FBN3: variants seen among roughly 807,000 people sequenced by gnomAD.
FBN3 encodes fibrillin 3, also known as fibrillin-3.
A neutral mutation model predicts 330.1 loss-of-function variants in FBN3; 234 were observed. The observed-to-expected ratio is 0.71, with a 90% CI of 0.64 to 0.79. The LOEUF is 0.79. Ranked by LOEUF, FBN3 falls within the 30% of genes least tolerant of loss-of-function variation. The pLI is 0.00. For missense variants in FBN3, 3,606 were observed against 3,886.9 expected, an observed-to-expected ratio of 0.93 and a Z score of 1.92; for synonymous variants, 1,458 against 1,517.3, an observed-to-expected ratio of 0.96 and a Z score of 0.91.
chr19:8,136,366 C>CG, intron 11 of FBN3, 22 bp downstream of exon 11: 1 of 1,609,940 alleles, frequency 6.2e-7, no homozygotes, highest in Non-Finnish European at 8.5e-7. Context: ...ACCGCCCCCC[C>CG]TTCCACCTGG....
chr19:8,070,045 T>C (rs1414919318), intron 63 of FBN3, among the ~76,000 whole-genome samples: 1 of 152,132 alleles, frequency 6.6e-6, no homozygotes, highest in African/African-American at 2.4e-5. Flanking sequence ...ACCAATACAG[T>C]AGTAAATCCT....
Position 8,131,507 on chromosome 19 carries a change from G to T in FBN3, c.1990+47C>A, listed in dbSNP as rs2083146046. On this transcript the variant is annotated intron_variant, in intron 15 of 63. Transcript: ENST00000600128. This position sits in a 1 kb window ranked among gnomAD's most constrained non-coding sequence, Gnocchi z 4.5. ...CCACCAGAAGCGAGAACCGATGGAGGCATTCAGACCAAGGAGGCGATGGGG... is the reference window on the plus strand; with the variant it reads ...CCACCAGAAGCGAGAACCGATGGAGTCATTCAGACCAAGGAGGCGATGGGG... 1 of 1,562,222 alleles carries T rather than the reference G, an allele frequency of 6.4e-7. No homozygotes were observed. The highest frequency in any genetic ancestry group is 1.4e-5 in the African/African-American group (1 of 73,908).
chr19:8,083,437 C>T, intron 56 of FBN3, 65 bp from the exon 57 acceptor site: 1 of 1,585,388 alleles, frequency 6.3e-7, no homozygotes, highest in Non-Finnish European at 8.6e-7. Flanking sequence ...AGGAATGTCT[C>T]CTTCTCTCTG....
chr19:8,082,311 T>C (rs200756689), intron 57 of FBN3, among the ~76,000 whole-genome samples: 2 of 113,494 alleles, frequency 1.8e-5, no homozygotes, highest in African/African-American at 6.4e-5. Flanking sequence ...CTTTCTCCCT[T>C]TCTCTTTCTT....
chr19:8,081,068 T>C lies in FBN3; in HGVS notation c.7388A>G (p.Asn2463Ser). The stretch of plus-strand genomic sequence containing the variant: ...GCGGCAGGTGAAGGCGCCCACAGTG[T>C]TGACACAGAGGAACTGACAGTTGTG... ...RQHNCQFLCV[N>S]TVGAFTCRCP... The change falls in exon 59 of 64, where the codon AAC becomes AGC. Residue 2463 changes from asparagine to serine, a missense_variant. By Grantham distance (46) the Asn-to-Ser change is conservative. Coordinates refer to ENST00000600128, the MANE Select transcript of FBN3 (RefSeq NM_032447.5). 3.1e-6 allele frequency: 5 copies of C among 1,613,646 alleles called. No individual in the cohort carries two copies. Among genetic ancestry groups the C allele is most frequent in the Non-Finnish European group, 4.2e-6 (5 of 1,179,966 alleles).
chr19:8,122,028 T>C (rs1219496682), intron 24 of FBN3, among the ~76,000 whole-genome samples: 1 of 151,632 alleles, frequency 6.6e-6, no homozygotes, highest in Non-Finnish European at 1.5e-5. Flanking sequence ...GGATTATAGG[T>C]GTGAGCCACT....
rs1341516746 is a variant in FBN3 at position 8,109,023 on chromosome 19, C to T, written c.4618+204G>A. ...AGTGACTATAAACACAGAGAATTTA[C>T]AGAAAGCGACCTTGGAGAGAGGCCC... On this transcript the variant is annotated intron_variant, in intron 36 of 63. Transcript: ENST00000600128. This position sits in a 1 kb window ranked among gnomAD's most constrained non-coding sequence, Gnocchi z 5.2. 6.6e-6 allele frequency among the ~76,000 whole-genome samples: 1 copy of T among 152,128 alleles called. No individual in the cohort carries two copies. Among genetic ancestry groups the T allele is most frequent in the Non-Finnish European group, 1.5e-5 (1 of 68,016 alleles).
Position 8,101,974 on chromosome 19 carries a change from G to A in FBN3, c.5089+750C>T, listed in dbSNP as rs535605572. Among the ~76,000 whole-genome samples the A allele has an allele frequency of 5.3e-5, 8 of 152,288 alleles. No individual in the cohort carries two copies. The East Asian group carries it at 5.8e-4, about 11-fold the overall frequency. On this transcript the variant is annotated intron_variant, in intron 40 of 63. Coordinates refer to ENST00000600128, the MANE Select transcript of FBN3 (RefSeq NM_032447.5). ...TAGCTCCCATATCCCCACATGTCAC[G>A]GGAGGGACCCGGTGGGAGGTAACTG...
At chr19:8,146,441 G>A (rs548797858) in intron 3 of FBN3, among the ~76,000 whole-genome samples, 13 of 152,334 alleles carry the variant, frequency 8.5e-5, no homozygotes, top group African/African-American at 3.1e-4. Flanking sequence ...TGTGGGTTGG[G>A]GACTCTGCTA....
chr19:8,075,873 C>T (rs1183426239), intron 59 of FBN3, among the ~76,000 whole-genome samples: 1 of 152,144 alleles, frequency 6.6e-6, no homozygotes, highest in Non-Finnish European at 1.5e-5. Flanking sequence ...CCCATGGAAA[C>T]CTGACAATAG....
intron 51 of FBN3, among the ~76,000 whole-genome samples, chr19:8,089,023 T>C (rs2082031709): frequency 6.6e-6 from 1 of 151,740 alleles, no homozygotes; most frequent in South Asian, 2.1e-4. Context: ...AGTGAATGAG[T>C]GAGGGGGCAA....
intron 48 of FBN3, 79 bp from the exon 49 acceptor site, chr19:8,090,330 G>T: frequency 6.6e-7 from 1 of 1,520,146 alleles, no homozygotes; most frequent in Non-Finnish European, 9.0e-7. Flanking sequence ...CCGCACCCCA[G>T]TCCTGGTGAA....
Position 8,116,684 on chromosome 19 carries a change from C to T in FBN3, c.3702G>A (p.Arg1234=). 1.2e-6 allele frequency: 2 copies of T among 1,611,624 alleles called. No individual in the cohort carries two copies. The highest frequency in any genetic ancestry group is 1.1e-5 in the South Asian group (1 of 91,026). ...GTCCCGGCTCCTCACCAACACATGT[C>T]CTCATGTCTGGCGTGGCCATGAAGC... The part of the protein sequence containing the change: ...YDGFMATPDM[R]TCVDVDECDL... Residue 1234 remains arginine, a synonymous_variant, in exon 29 of 64, where the codon AGG becomes AGA. Coordinates refer to ENST00000600128, the MANE Select transcript of FBN3 (RefSeq NM_032447.5).
rs141368488 is a variant in FBN3 at position 8,141,705 on chromosome 19, C to G, written c.865+12G>C. ...AGAGGAGGTCTCAGGTTGTCCCCCT[C>G]CAGTCACCCACCTTCACATGCGGCG... is the stretch of plus-strand genomic sequence containing the variant. On this transcript the variant is annotated intron_variant, in intron 8 of 63. Transcript: ENST00000600128. 2.1e-3 allele frequency: 3,402 copies of G among 1,608,606 alleles called. 43 individuals carry two copies. The African/African-American group carries it at 0.031, about 15-fold the overall frequency.
intron 37 of FBN3, among the ~76,000 whole-genome samples, chr19:8,107,358 G>C (rs1421179247): frequency 7.0e-6 from 1 of 142,072 alleles, no homozygotes; most frequent in African/African-American, 2.6e-5. Flanking sequence ...AGGATAGGAG[G>C]GGAATAAGTG....
intron 13 of FBN3, 25 bp downstream of exon 13, chr19:8,135,936 G>GGGGGGGGGGGGGGGGGGGCGGGC: frequency 1.5e-6 from 1 of 668,778 alleles, no homozygotes; most frequent in Non-Finnish European, 2.4e-6. Context: ...GGAAGCCCCT[G>GGGGGGGGGGGGGGGGGGGCGGGC]CCCACCCGCC....
At chr19:8,143,043 C>G (rs2083449686) in intron 6 of FBN3, among the ~76,000 whole-genome samples, 1 of 152,122 alleles carries the variant, frequency 6.6e-6, no homozygotes. Context: ...CATTAGGCAC[C>G]CAGATGCCTC....
intron 13 of FBN3, 25 bp downstream of exon 13, chr19:8,135,936 G>GAGCCCC: frequency 3.0e-6 from 2 of 668,778 alleles, no homozygotes; most frequent in South Asian, 1.6e-5. Context: ...GGAAGCCCCT[G>GAGCCCC]CCCACCCGCC....
At chr19:8,117,035 AG>A in intron 28 of FBN3, 133 bp downstream of exon 28, 1 of 1,383,016 alleles carries the variant, frequency 7.2e-7, no homozygotes, top group Non-Finnish European at 9.7e-7. Flanking sequence ...CCAGGACCAC[AG>A]GCCAGGCAGG....
Sources: gnomAD v4.1 joint callset for allele counts (sites outside exome capture counted in the v4.1 genomes callset) on GRCh38, gnomAD v4.1.1 for gene constraint, Gnocchi (gnomAD v3.1) non-coding constraint, MANE v1.5 for transcripts, NCBI Gene and HGNC (gene_info 2026-07-23, HGNC 2026-07-21) for gene names.